CRHR1: variants seen among roughly 807,000 people sequenced by gnomAD.
The protein encoded by CRHR1 is corticotropin-releasing hormone receptor 1.
CRHR1 carries 28 observed loss-of-function variants against 56.0 expected under a neutral mutation model. That is an observed-to-expected ratio of 0.50 (90% CI 0.37 to 0.69). The LOEUF is 0.69. Ranked by LOEUF, CRHR1 falls within the 30% of genes least tolerant of loss-of-function variation. The pLI, the probability that CRHR1 is intolerant of heterozygous loss-of-function variation, is 0.00. For synonymous variants in CRHR1, 195 were observed against 216.5 expected (o/e 0.90, Z 0.87); for missense variants, 376 against 548.0 (o/e 0.69, Z 3.13).
At chr17:45,833,921 G>A (rs1049259351) in intron 11 of CRHR1, 72 bp downstream of exon 11, 1 of 1,612,658 alleles carries the variant, frequency 6.2e-7, no homozygotes, top group African/African-American at 1.3e-5. Flanking sequence ...TGGAGGGCAG[G>A]AGGCCAGGGA....
At chr17:45,820,938 C>T (rs112412690) in intron 3 of CRHR1, among the ~76,000 whole-genome samples, 2,558 of 152,322 alleles carry the variant, frequency 0.017, 64 homozygotes, top group African/African-American at 0.058. Flanking sequence ...TGCCCAGCCT[C>T]GTGAAAATTG....
chr17:45,821,017 A>G (rs1011784096), intron 3 of CRHR1, among the ~76,000 whole-genome samples: 2 of 152,194 alleles, frequency 1.3e-5, no homozygotes, highest in Non-Finnish European at 2.9e-5. Flanking sequence ...TCAGAAGAGC[A>G]CCTACCTGTC....
At chr17:45,792,679 A>T (rs2061447705) in intron 1 of CRHR1, among the ~76,000 whole-genome samples, 1 of 152,138 alleles carries the variant, frequency 6.6e-6, no homozygotes, top group South Asian at 2.1e-4. Flanking sequence ...TCTGTCTCTC[A>T]CTGGTTGTTC....
rs546246066 is a variant in CRHR1 at position 45,830,840 on chromosome 17, C to A, written c.710-40C>A. ...GGTTCTCCAGGCCCACATCCTCCAGCCCCCGCTGAGGGCTCTGTGACAGCC... is the reference window on the plus strand; with the variant it reads ...GGTTCTCCAGGCCCACATCCTCCAGACCCCGCTGAGGGCTCTGTGACAGCC... On this transcript the variant is annotated intron_variant, in intron 7 of 12. Coordinates refer to ENST00000314537, the MANE Select transcript of CRHR1 (RefSeq NM_004382.5). 415 of 1,598,470 alleles carry A rather than the reference C, an allele frequency of 2.6e-4. 2 individuals are homozygous for A. In the Middle Eastern group the frequency reaches 5.0e-3, roughly 19 times the overall value.
At chr17:45,829,409 G>T (rs555780647) in intron 5 of CRHR1, 88 bp downstream of exon 5, 262 of 1,389,616 alleles carry the variant, frequency 1.9e-4, no homozygotes, top group Non-Finnish European at 7.1e-5. Context: ...CTCTAGGTTG[G>T]GGTGGGGGTT....
At chr17:45,823,227 C>T in intron 4 of CRHR1, among the ~76,000 whole-genome samples, 1 of 151,826 alleles carries the variant, frequency 6.6e-6, no homozygotes, top group Non-Finnish European at 1.5e-5. Context: ...AGAAATCACA[C>T]TGTCCAAGGA....
intron 1 of CRHR1, among the ~76,000 whole-genome samples, chr17:45,802,673 T>A (rs767632056): frequency 2.0e-5 from 3 of 152,192 alleles, no homozygotes; most frequent in Non-Finnish European, 4.4e-5. Context: ...CATTTTTCTT[T>A]GCATAACGCA....
intron 2 of CRHR1, among the ~76,000 whole-genome samples, chr17:45,808,925 C>G (rs1376905713): frequency 6.6e-6 from 1 of 152,234 alleles, no homozygotes; most frequent in Non-Finnish European, 1.5e-5. Flanking sequence ...CCTCCTGTCT[C>G]AGCCTCAGCA....
At chr17:45,833,693 T>TGGGCCCCCCCC in intron 10 of CRHR1, 21 bp from the exon 11 acceptor site, 6 of 1,571,576 alleles carry the variant, frequency 3.8e-6, no homozygotes, top group Non-Finnish European at 5.2e-6. Context: ...ACTCCGAGCC[T>TGGGCCCCCCCC]CCCCACCCGC....
At chr17:45,797,155 G>T (rs1172100016) in intron 1 of CRHR1, among the ~76,000 whole-genome samples, 1 of 152,236 alleles carries the variant, frequency 6.6e-6, no homozygotes, top group Non-Finnish European at 1.5e-5. Context: ...AGGGGGCTGG[G>T]CAAGGGGCAC....
intron 2 of CRHR1, among the ~76,000 whole-genome samples, chr17:45,815,924 G>A (rs2061918066): frequency 1.3e-5 from 2 of 152,180 alleles, no homozygotes; most frequent in South Asian, 4.1e-4. Context: ...TGGTTAACAG[G>A]CCAGCCGGAA....
intron 1 of CRHR1, among the ~76,000 whole-genome samples, chr17:45,805,404 A>C (rs1451657400): frequency 6.6e-6 from 1 of 151,840 alleles, no homozygotes; most frequent in Non-Finnish European, 1.5e-5. Flanking sequence ...TCTAGCCTAC[A>C]CCCTAGAAGT....
chr17:45,834,943 T>A lies in CRHR1; in HGVS notation c.*179T>A. On this transcript the variant is annotated 3_prime_UTR_variant, in exon 13 of 13. Transcript: ENST00000314537. ...CCCTGCAGCCGTGCAGGACTCTAGC[T>A]CATGAGTGGAAAGTCACCTACAGGA... 1.2e-6 allele frequency: 1 copy of A among 823,714 alleles called. No homozygotes were observed. The highest frequency in any genetic ancestry group is 1.9e-6 in the Non-Finnish European group (1 of 539,860). 51.0% of individuals were successfully genotyped at this position (823,714 alleles called of 1,614,324 possible). A position where few individuals can be genotyped will look rare whatever the true frequency, so the allele number is the denominator to read the frequency against.
Position 45,830,093 on chromosome 17 carries a change from G to C in CRHR1, c.435-1G>C. The C allele has an allele frequency of 6.2e-7, 1 of 1,614,064 alleles. No homozygotes were observed. The highest frequency in any genetic ancestry group is 8.5e-7 in the Non-Finnish European group (1 of 1,179,988). On this transcript the variant is annotated splice_acceptor_variant, in intron 5 of 12. Transcript: ENST00000314537. LOFTEE classifies it high-confidence loss of function. ...ATCATCCACCCGCCCTGCTGCACCAGGAGCATCCGGTGCCTGCGAAACATC... is the reference window on the plus strand; with the variant it reads ...ATCATCCACCCGCCCTGCTGCACCACGAGCATCCGGTGCCTGCGAAACATC...
At chr17:45,810,939 G>A (rs947054720) in intron 2 of CRHR1, among the ~76,000 whole-genome samples, 1 of 152,358 alleles carries the variant, frequency 6.6e-6, no homozygotes, top group Admixed American at 6.5e-5. Context: ...GCAAGAACGT[G>A]TGTTTCACAG....
At chr17:45,804,999 G>C (rs2061693992) in intron 1 of CRHR1, among the ~76,000 whole-genome samples, 1 of 151,972 alleles carries the variant, frequency 6.6e-6, no homozygotes, top group Admixed American at 6.6e-5. Context: ...ATTTTTAGTA[G>C]AGACGGGGCT....
At chr17:45,822,085 G>A (rs560007922) in intron 4 of CRHR1, among the ~76,000 whole-genome samples, 7 of 151,968 alleles carry the variant, frequency 4.6e-5, no homozygotes, top group Middle Eastern at 3.4e-3. Context: ...TTTTGTATAC[G>A]TATTCTTTTT....
At chr17:45,812,274 G>T (rs945397486) in intron 2 of CRHR1, among the ~76,000 whole-genome samples, 1 of 152,308 alleles carries the variant, frequency 6.6e-6, no homozygotes, top group Admixed American at 6.5e-5. Flanking sequence ...AGAAACAATT[G>T]TACTTGTTAA....
intron 2 of CRHR1, among the ~76,000 whole-genome samples, chr17:45,815,796 C>A (rs1406292202): frequency 6.6e-6 from 1 of 151,196 alleles, no homozygotes; most frequent in Non-Finnish European, 1.5e-5. Flanking sequence ...TCAGTGTGTC[C>A]TTTCCACTCC....
Sources: allele counts gnomAD v4.1 joint callset (sites outside exome capture counted in the v4.1 genomes callset), GRCh38; gene constraint gnomAD v4.1.1; transcripts MANE v1.5; gene names NCBI Gene and HGNC (gene_info 2026-07-23, HGNC 2026-07-21).